Variants in MYO1A observed in about 807,000 individuals in gnomAD.
MYO1A encodes the protein unconventional myosin-Ia.
Under a neutral mutation model 138.5 loss-of-function variants are expected in MYO1A, and 127 were observed. The ratio of observed to expected loss-of-function variants is 0.92; its 90% confidence interval spans 0.79 to 1.06. MYO1A has a LOEUF of 1.06. Ranked by LOEUF, MYO1A falls within the 50% of genes least tolerant of loss-of-function variation. MYO1A has a pLI of 0.00. For missense variants in MYO1A, 1,211 were observed against 1,288.8 expected (o/e 0.94, Z 0.92); for synonymous variants, 477 against 497.5 (o/e 0.96, Z 0.55).
In MYO1A at chr12:57,029,882, C is replaced by T. The variant is rs1314994137; in HGVS notation, c.2592-10G>A. The T allele has an allele frequency of 5.6e-6, 9 of 1,614,078 alleles. No individual in the cohort carries two copies. The East Asian group carries it at 1.6e-4, about 28-fold the overall frequency. On this transcript the variant is annotated splice_polypyrimidine_tract_variant and intron_variant, in intron 24 of 27. Transcript: ENST00000300119. ...GAATGGAATGGGGACACTGAGAACA[C>T]ATGGGAGGTGTGCAGCGCGACAAGG...
chr12:57,030,149 G>T (rs1353697531), intron 24 of MYO1A, 61 bp downstream of exon 24: 3 of 1,444,680 alleles, frequency 2.1e-6, no homozygotes, highest in Non-Finnish European at 2.9e-6. Context: ...TCTAAGGCAC[G>T]CTCAAGTTTG....
intron 1 of MYO1A, among the ~76,000 whole-genome samples, chr12:57,049,014 C>G (rs553258093): frequency 4.6e-5 from 7 of 152,250 alleles, no homozygotes; most frequent in African/African-American, 1.7e-4. Context: ...GGGTTTGCTT[C>G]CCCAACAAAC....
intron 22 of MYO1A, 87 bp downstream of exon 22, chr12:57,036,220 C>T (rs904070569): frequency 8.3e-6 from 11 of 1,328,242 alleles, no homozygotes; most frequent in Admixed American, 1.7e-5. Flanking sequence ...TGGGGGAAAG[C>T]TTTGGGTTGC....
chr12:57,029,494 CA>C lies in MYO1A; in HGVS notation c.2817del (p.Asn939LysfsTer19), dbSNP rs754081858. On this transcript the variant is annotated frameshift_variant, in exon 26 of 28. Coordinates refer to ENST00000300119, the MANE Select transcript of MYO1A (RefSeq NM_005379.4). LOFTEE classifies it high-confidence loss of function. ...AGGCTGGTGACTGACACCCCAGCCA[CA>C]TTGTCTAGCCCAATGACAATTTTGG... ...SQAKIVIGLDNVAGVSVTSLK... is the reference protein window; with the variant it reads ...SQAKIVIGLDXVAGVSVTSLK... 6.2e-7 allele frequency: 1 copy of C among 1,614,108 alleles called. No individual in the cohort carries two copies. Among genetic ancestry groups the C allele is most frequent in the Non-Finnish European group, 8.5e-7 (1 of 1,180,044 alleles).
At chr12:57,050,711 A>G (rs2031306272), upstream of MYO1A, 1 of 152,214 alleles carries the variant, frequency 6.6e-6, no homozygotes, top group African/African-American at 2.4e-5. Context: ...GTGATTAGTA[A>G]TAATACCTCA....
At chr12:57,029,382 G>A (rs541614325) in intron 26 of MYO1A, 53 bp downstream of exon 26, 1,433 of 1,613,666 alleles carry the variant, frequency 8.9e-4, no homozygotes, top group Non-Finnish European at 1.1e-3. Context: ...CCCCAGCCCT[G>A]GGATGCATAC....
chr12:57,032,809 G>T (rs2030349448), intron 22 of MYO1A, among the ~76,000 whole-genome samples: 1 of 152,112 alleles, frequency 6.6e-6, no homozygotes, highest in African/African-American at 2.4e-5. Context: ...CACCATTGGA[G>T]AATTTATACA....
chr12:57,045,414 G>A (rs1370292480), intron 8 of MYO1A, among the ~76,000 whole-genome samples: 1 of 152,158 alleles, frequency 6.6e-6, no homozygotes, highest in Non-Finnish European at 1.5e-5. Context: ...AGGGTATCTG[G>A]AGGGAGAATG....
At position 57,047,065 on chromosome 12, in the gene MYO1A, C is replaced by G. The variant is rs774474574; in HGVS notation, c.473G>C (p.Arg158Pro). The change falls in exon 6 of 28, where the codon CGA becomes CCA. Residue 158 changes from arginine (R) to proline (P), a missense_variant. Coordinates refer to ENST00000300119, the MANE Select transcript of MYO1A (RefSeq NM_005379.4). The stretch of plus-strand genomic sequence containing the variant: ...GGTGGGGAGACATTTACTCACAAAT[C>G]GGGAGGAATTGTTGTTGCGAATGGT... ...AKTIRNNNSS[R>P]FGKYMDIEFD... 6.2e-7 allele frequency: 1 copy of G among 1,614,104 alleles called. No homozygotes were observed. The highest frequency in any genetic ancestry group is 8.5e-7 in the Non-Finnish European group (1 of 1,180,016).
At position 57,048,117 on chromosome 12, in the gene MYO1A, A is replaced by C. The variant is rs758588672; in HGVS notation, c.115-13T>G. The C allele has an allele frequency of 1.2e-6, 2 of 1,611,630 alleles. No individual in the cohort carries two copies. Among genetic ancestry groups the C allele is most frequent in the African/African-American group, 1.3e-5 (1 of 75,014 alleles). The stretch of plus-strand genomic sequence containing the variant: ...TCCCAATGTAGGTCTGGAGCCAGGA[A>C]GAAGGTGAAGGGAATGAGCTTGAGG... On this transcript the variant is annotated splice_polypyrimidine_tract_variant and intron_variant, in intron 2 of 27. Coordinates refer to ENST00000300119, the MANE Select transcript of MYO1A (RefSeq NM_005379.4).
At chr12:57,041,871 G>C (rs1274697841) in intron 12 of MYO1A, among the ~76,000 whole-genome samples, 2 of 152,156 alleles carry the variant, frequency 1.3e-5, no homozygotes, top group Non-Finnish European at 2.9e-5. Flanking sequence ...AGATAACAAA[G>C]TCAAATTTCA....
At chr12:57,044,854 G>C (rs1464596237) in intron 8 of MYO1A, among the ~76,000 whole-genome samples, 2 of 152,122 alleles carry the variant, frequency 1.3e-5, no homozygotes, top group Non-Finnish European at 2.9e-5. Context: ...TCCTACGCAG[G>C]TGCCTCTGGA....
Position 57,038,949 on chromosome 12 carries a change from C to A in MYO1A, c.1393G>T (p.Asp465Tyr). The A allele has an allele frequency of 6.2e-7, 1 of 1,614,180 alleles. No homozygotes were observed. Among genetic ancestry groups the A allele is most frequent in the Non-Finnish European group, 8.5e-7 (1 of 1,180,042 alleles). The change falls in exon 16 of 28, where the codon GAC becomes TAC. Residue 465 changes from aspartate (D) to tyrosine (Y), a missense_variant. Coordinates refer to ENST00000300119, the MANE Select transcript of MYO1A (RefSeq NM_005379.4). ...TTCAGCTTTGCTAGGAAAGTGGAGT[C>A]ACTGACCACCCCAGGCCGCAGGCAC... ...EECLRPGVVS[D>Y]STFLAKLNQL...
Position 57,037,852 on chromosome 12 carries a change from TC to T in MYO1A, c.1961+16del, listed in dbSNP as rs756875125. On this transcript the variant is annotated intron_variant, in intron 18 of 27. Transcript: ENST00000300119. ...CACTGCCCTTTCCTGATGCCCAGTC[TC>T]CCCATGGGGTCTTACCGGTCTCCCC... 6 of 1,613,318 alleles carry T rather than the reference TC, an allele frequency of 3.7e-6. No individual in the cohort carries two copies. In the South Asian group the frequency reaches 5.5e-5, roughly 15 times the overall value.
At chr12:57,030,970 C>A in intron 23 of MYO1A, 70 bp downstream of exon 23, 1 of 1,583,770 alleles carries the variant, frequency 6.3e-7, no homozygotes, top group Non-Finnish European at 8.6e-7. Flanking sequence ...AAGAGGGAGG[C>A]AAAAGAGGAA....
chr12:57,030,909 A>T, intron 23 of MYO1A, 131 bp downstream of exon 23: 1 of 1,120,258 alleles, frequency 8.9e-7, no homozygotes. Flanking sequence ...AAAATGGTAG[A>T]TTGTATGTTA....
At chr12:57,031,264 A>G in intron 22 of MYO1A, 90 bp from the exon 23 acceptor site, 1 of 1,524,334 alleles carries the variant, frequency 6.6e-7, no homozygotes, top group South Asian at 1.1e-5. Flanking sequence ...ACTTCAAAGG[A>G]GGAAGTTAAC....
Position 57,036,988 on chromosome 12 carries a change from A to T in MYO1A, c.2159T>A (p.Met720Lys), listed in dbSNP as rs764917531. 1.2e-6 allele frequency: 2 copies of T among 1,614,182 alleles called. No homozygotes were observed. The highest frequency in any genetic ancestry group is 1.7e-6 in the Non-Finnish European group (2 of 1,180,020). The change falls in exon 20 of 28, where the codon ATG (methionine) becomes AAG (lysine). Residue 720 changes from methionine (M) to lysine (K), a missense_variant. Physicochemically the swap from Met to Lys is moderately conservative, Grantham distance 95. Transcript: ENST00000300119. ...GWRCRTHYQL[M>K]RKSQILISSW... Reference sequence around the variant, plus strand: ...GGAGATGAGGATCTGACTCTTTCGCATCAGTTGGTAGTGGGTGCGGCAGCG... The same window carrying T: ...GGAGATGAGGATCTGACTCTTTCGCTTCAGTTGGTAGTGGGTGCGGCAGCG...
At position 57,029,855 on chromosome 12, in the gene MYO1A, C is replaced by A. The variant is rs779629224; in HGVS notation, c.2609G>T (p.Cys870Phe). 5 of 1,614,194 alleles carry A rather than the reference C, an allele frequency of 3.1e-6. No homozygotes were observed. The highest frequency in any genetic ancestry group is 4.2e-6 in the Non-Finnish European group (5 of 1,180,032). The change falls in exon 25 of 28, where the codon TGT becomes TTT. Residue 870 changes from cysteine (C) to phenylalanine (F), a missense_variant. Transcript: ENST00000300119. ...SYPQSVPIPF[C>F]GDYIGLQGNP... ...CCCTTGCAGCCCAATGTAGTCACCA[C>A]AGAATGGAATGGGGACACTGAGAAC...
Sources: gnomAD v4.1 joint callset for allele counts (sites outside exome capture counted in the v4.1 genomes callset) on GRCh38, gnomAD v4.1.1 for gene constraint, MANE v1.5 for transcripts, NCBI Gene and HGNC (gene_info 2026-07-23, HGNC 2026-07-21) for gene names.